ADGRL4: variants seen among roughly 807,000 people sequenced by gnomAD.
The protein encoded by ADGRL4 is adhesion G protein-coupled receptor L4, also known as EGF, latrophilin and seven transmembrane domain containing 1.
A neutral mutation model predicts 74.8 loss-of-function variants in ADGRL4; 90 were observed. That is an observed-to-expected ratio of 1.20 (90% CI 1.02 to 1.43). ADGRL4 has a LOEUF of 1.43. Ranked by LOEUF, ADGRL4 falls within the 40% of genes most tolerant of loss-of-function variation. The pLI is 0.00. For missense variants in ADGRL4, 881 were observed against 814.3 expected (o/e 1.08, Z -1.00); for synonymous variants, 311 against 279.2 (o/e 1.11, Z -1.14).
Position 78,939,193 on chromosome 1 carries a change from T to A in ADGRL4, c.391A>T (p.Thr131Ser), listed in dbSNP as rs1444494787. ...TTGTTAACTGTTCTACTTACTTTTGTTAAAGTTTTATTAATATTTGCAGCT... is the reference window on the plus strand; with the variant it reads ...TTGTTAACTGTTCTACTTACTTTTGATAAAGTTTTATTAATATTTGCAGCT... ...CIAANINKTL[T>S]KIRSIKEPVA... The change falls in exon 4 of 15, where the codon ACA becomes TCA. Residue 131 changes from threonine to serine, a missense_variant. Thr to Ser is a moderately conservative substitution (Grantham distance 58). Transcript: ENST00000370742. The A allele has an allele frequency of 1.3e-6, 2 of 1,562,172 alleles. No individual in the cohort carries two copies. The highest frequency in any genetic ancestry group is 1.7e-6 in the Non-Finnish European group (2 of 1,159,104).
intron 2 of ADGRL4, among the ~76,000 whole-genome samples, chr1:78,974,983 C>T (rs1444558700): frequency 6.6e-6 from 1 of 152,072 alleles, no homozygotes; most frequent in Non-Finnish European, 1.5e-5. Flanking sequence ...TTTAGGGGGC[C>T]ATTATTCTGC....
At chr1:78,926,429 C>T (rs1356928511) in intron 8 of ADGRL4, among the ~76,000 whole-genome samples, 1 of 151,860 alleles carries the variant, frequency 6.6e-6, no homozygotes, top group Non-Finnish European at 1.5e-5. Flanking sequence ...TGGTCTCCAC[C>T]AATTTCTTTA....
At chr1:78,961,857 T>G (rs1649958873) in intron 2 of ADGRL4, among the ~76,000 whole-genome samples, 1 of 151,934 alleles carries the variant, frequency 6.6e-6, no homozygotes, top group South Asian at 2.1e-4. Context: ...AGAATCATAA[T>G]ATGGGCAGGA....
chr1:78,995,444 A>G (rs568332591), intron 2 of ADGRL4, among the ~76,000 whole-genome samples: 1 of 152,316 alleles, frequency 6.6e-6, no homozygotes, highest in South Asian at 2.1e-4. Context: ...ATCAGGAAAG[A>G]GTATCATGGT....
intron 2 of ADGRL4, among the ~76,000 whole-genome samples, chr1:78,992,634 C>T (rs1343089703): frequency 2.0e-5 from 3 of 152,042 alleles, no homozygotes; most frequent in Non-Finnish European, 4.4e-5. Flanking sequence ...AAGGTTGGTG[C>T]TTTTCATCTA....
At chr1:78,901,221 A>G (rs1345305050) in intron 12 of ADGRL4, among the ~76,000 whole-genome samples, 1 of 152,130 alleles carries the variant, frequency 6.6e-6, no homozygotes, top group East Asian at 1.9e-4. Flanking sequence ...CTTCATGTCA[A>G]CCCTAACTTC....
intron 10 of ADGRL4, among the ~76,000 whole-genome samples, chr1:78,918,393 T>C (rs182912648): frequency 1.3e-5 from 2 of 152,090 alleles, no homozygotes; most frequent in Admixed American, 1.3e-4. Flanking sequence ...TAAGTTGATT[T>C]CTGTTTTGGA....
intron 2 of ADGRL4, among the ~76,000 whole-genome samples, chr1:78,965,360 C>T (rs1197272113): frequency 6.6e-6 from 1 of 152,084 alleles, no homozygotes; most frequent in Non-Finnish European, 1.5e-5. Context: ...CTTGTACTTG[C>T]TTGTTTATAG....
At position 78,937,907 on chromosome 1, in the gene ADGRL4, T is replaced by C. The variant is rs755218268; in HGVS notation, c.660A>G (p.Thr220=). 6.2e-7 allele frequency: 1 copy of C among 1,614,010 alleles called. No individual in the cohort carries two copies. Among genetic ancestry groups the C allele is most frequent in the Non-Finnish European group, 8.5e-7 (1 of 1,179,900 alleles). ...CAGTGTGCATGAGTTTTGTAAGATGTGTTCTCCTATGATTCACAGATAACT... is the reference window on the plus strand; with the variant it reads ...CAGTGTGCATGAGTTTTGTAAGATGCGTTCTCCTATGATTCACAGATAACT... ...WDKLSVNHRR[T]HLTKLMHTVE... is the part of the protein sequence containing the mutation. Residue 220 remains threonine, a synonymous_variant, in exon 6 of 15, where the codon ACA becomes ACG. Coordinates refer to ENST00000370742, the MANE Select transcript of ADGRL4 (RefSeq NM_022159.4).
chr1:78,954,075 G>A (rs537304152), intron 2 of ADGRL4, among the ~76,000 whole-genome samples: 14 of 152,250 alleles, frequency 9.2e-5, no homozygotes, highest in African/African-American at 3.4e-4. Flanking sequence ...GAACCTGGGA[G>A]GTGGAGGTTG....
At chr1:78,929,870 C>T (rs1289249269) in intron 7 of ADGRL4, among the ~76,000 whole-genome samples, 1 of 151,464 alleles carries the variant, frequency 6.6e-6, no homozygotes, top group Non-Finnish European at 1.5e-5. Flanking sequence ...TCATCTGTCA[C>T]TATAATCGGT....
chr1:78,930,410 A>G (rs6424616), intron 7 of ADGRL4, among the ~76,000 whole-genome samples: 89,494 of 148,330 alleles, frequency 0.6, 27,752 homozygotes, highest in East Asian at 0.69. Context: ...TGAAATAGTA[A>G]CTACTTACTT....
At chr1:78,891,770 G>A (rs965882296) in intron 13 of ADGRL4, 78 bp from the exon 14 acceptor site, 6 of 1,319,806 alleles carry the variant, frequency 4.5e-6, no homozygotes, top group Admixed American at 4.8e-5. Context: ...AAATTATGTG[G>A]GAGGTGAGTT....
At chr1:78,895,763 G>A (rs1415733932) in intron 12 of ADGRL4, among the ~76,000 whole-genome samples, 1 of 151,858 alleles carries the variant, frequency 6.6e-6, no homozygotes, top group African/African-American at 2.4e-5. Flanking sequence ...AGGAGGACAG[G>A]GACAATTATC....
At chr1:78,955,443 A>G (rs1326524270) in intron 2 of ADGRL4, among the ~76,000 whole-genome samples, 1 of 152,008 alleles carries the variant, frequency 6.6e-6, no homozygotes, top group East Asian at 1.9e-4. Flanking sequence ...ATTTTTTGTA[A>G]TCATGTCTTG....
intron 2 of ADGRL4, among the ~76,000 whole-genome samples, chr1:78,996,982 A>G (rs1201163895): frequency 6.6e-6 from 1 of 152,212 alleles, no homozygotes; most frequent in Non-Finnish European, 1.5e-5. Context: ...GAGTTCAATC[A>G]AATGAAGCAG....
Position 78,941,150 on chromosome 1 carries a change from T to A in ADGRL4, c.326-1892A>T, listed in dbSNP as rs1194459504. Reference sequence around the variant, plus strand: ...GGAACTACCACTCCACAGAAATGAATTAACAGAAAATAAAGTAGGGGAGAA... The same window carrying A: ...GGAACTACCACTCCACAGAAATGAAATAACAGAAAATAAAGTAGGGGAGAA... On this transcript the variant is annotated intron_variant, in intron 3 of 14. Transcript: ENST00000370742. Among the ~76,000 whole-genome samples the A allele has an allele frequency of 4.6e-5, 7 of 152,126 alleles. No homozygotes were observed. The East Asian group carries it at 1.3e-3, about 29-fold the overall frequency.
At chr1:78,934,704 C>T (rs911337919) in intron 7 of ADGRL4, among the ~76,000 whole-genome samples, 3 of 151,908 alleles carry the variant, frequency 2.0e-5, no homozygotes, top group African/African-American at 7.2e-5. Flanking sequence ...AACAAATTTA[C>T]AAGAAAAAAA....
chr1:78,973,359 G>A (rs17102538), intron 2 of ADGRL4, among the ~76,000 whole-genome samples: 13,619 of 151,676 alleles, frequency 0.09, 827 homozygotes, highest in East Asian at 0.34. Context: ...ATGATTATTT[G>A]TGAATGTTCT....
Sources: allele counts gnomAD v4.1 joint callset (sites outside exome capture counted in the v4.1 genomes callset), GRCh38; gene constraint gnomAD v4.1.1; transcripts MANE v1.5; gene names NCBI Gene and HGNC (gene_info 2026-07-23, HGNC 2026-07-21).